TFDP1: variants seen among roughly 807,000 people sequenced by gnomAD.
TFDP1 encodes the protein transcription factor Dp-1, also known as DRTF1-polypeptide 1.
Under a neutral mutation model 48.0 loss-of-function variants are expected in TFDP1, and 6 were observed. The observed-to-expected ratio is 0.13, with a 90% CI of 0.07 to 0.25. The LOEUF is 0.25. Ranked by LOEUF, TFDP1 falls within the 10% of genes least tolerant of loss-of-function variation. The probability of loss-of-function intolerance (pLI) is 1.00; values close to 1 mark genes in which losing one functional copy is unlikely to be tolerated. For synonymous variants in TFDP1, 201 were observed against 211.6 expected, an observed-to-expected ratio of 0.95 and a Z score of 0.44; for missense variants, 335 against 543.0, an observed-to-expected ratio of 0.62 and a Z score of 3.81.
chr13:113,634,827 ATGTGTG>A (rs377583319), intron 8 of TFDP1, among the ~76,000 whole-genome samples: 1 of 148,128 alleles, frequency 6.8e-6, no homozygotes, highest in South Asian at 2.2e-4. Context: ...GCATGCATGC[ATGTGTG>A]TGTGTGTGCA....
intron 2 of TFDP1, 27 bp downstream of exon 2, chr13:113,585,876 A>G: frequency 6.3e-7 from 1 of 1,596,412 alleles, no homozygotes; most frequent in South Asian, 1.1e-5. Flanking sequence ...CATGCTGCAC[A>G]CGAATGTTTG....
In TFDP1 at chr13:113,611,078, C is replaced by T. The variant is rs2048697702; in HGVS notation, c.79+16C>T. Reference sequence around the variant, plus strand: ...CCCGGGAAAGGTAAGGGCACCTGTTCTGGACACACTCTTGTGTTGATGAAT... The same window carrying T: ...CCCGGGAAAGGTAAGGGCACCTGTTTTGGACACACTCTTGTGTTGATGAAT... On this transcript the variant is annotated intron_variant, in intron 3 of 11. Transcript: ENST00000375370. The T allele has an allele frequency of 1.2e-6, 2 of 1,608,848 alleles. No homozygotes were observed. The highest frequency in any genetic ancestry group is 2.7e-5 in the African/African-American group (2 of 74,818).
At chr13:113,591,756 T>C (rs1443432939) in intron 2 of TFDP1, among the ~76,000 whole-genome samples, 1 of 152,220 alleles carries the variant, frequency 6.6e-6, no homozygotes, top group Non-Finnish European at 1.5e-5. Context: ...GGAGGACTGG[T>C]AGCAGCAGGT....
chr13:113,640,228 G>C lies in TFDP1; in HGVS notation c.1194G>C (p.Glu398Asp), dbSNP rs569945042. The C allele has an allele frequency of 1.4e-5, 23 of 1,613,588 alleles. No homozygotes were observed. The African/African-American group carries it at 2.7e-4, about 19-fold the overall frequency. ...TPVSYVGEDD[E>D]EDDDFNENDE... Reference sequence around the variant, plus strand: ...TGTCCTACGTCGGGGAGGACGACGAGGAGGACGATGACTTCAACGAGAATG... The same window carrying C: ...TGTCCTACGTCGGGGAGGACGACGACGAGGACGATGACTTCAACGAGAATG... The change falls in exon 12 of 12, where the codon GAG (glutamate) becomes GAC (aspartate). Residue 398 changes from glutamate to aspartate, a missense_variant. Coordinates refer to ENST00000375370, the MANE Select transcript of TFDP1 (RefSeq NM_007111.5).
rs1275562614 is a variant in TFDP1 at position 113,598,160 on chromosome 13, A to G, written c.12+12311A>G. On this transcript the variant is annotated intron_variant, in intron 2 of 11. Transcript: ENST00000375370. The surrounding 1 kb of genome is among the most constrained non-coding windows in gnomAD (Gnocchi z 4.2). ...TTCCCGTCTGGTCCCTCTACTCCCC[A>G]CCACCCCAGCCCTGGAAAACCGTGC... 6.6e-6 allele frequency among the ~76,000 whole-genome samples: 1 copy of G among 151,998 alleles called. No homozygotes were observed. The highest frequency in any genetic ancestry group is 1.5e-5 in the Non-Finnish European group (1 of 67,974).
intron 2 of TFDP1, among the ~76,000 whole-genome samples, chr13:113,596,011 G>A (rs1327371160): frequency 6.6e-6 from 1 of 152,222 alleles, no homozygotes; most frequent in Non-Finnish European, 1.5e-5. Flanking sequence ...GAACCCAGGA[G>A]GCGGAGCTTG....
chr13:113,625,862 TCCTCAGGTGTCTCTCACGC>T (rs1281497412), intron 4 of TFDP1, among the ~76,000 whole-genome samples: 2 of 143,650 alleles, frequency 1.4e-5, no homozygotes, highest in African/African-American at 2.6e-5. Context: ...CTCTCACGCG[TCCTCAGGTGTCTCTCACGC>T]GTCCTCAGGT....
chr13:113,623,375 C>T lies in TFDP1; in HGVS notation c.186+89C>T. 1.5e-6 allele frequency: 2 copies of T among 1,303,638 alleles called. No individual in the cohort carries two copies. Among genetic ancestry groups the T allele is most frequent in the South Asian group, 1.3e-5 (1 of 75,504 alleles). 80.8% of individuals were successfully genotyped at this position (1,303,638 alleles called of 1,614,324 possible). The stretch of plus-strand genomic sequence containing the variant: ...GTGGTTGGGGATGTTCCCAGGTGTG[C>T]CTGGATTTGGGCTCCAGTTGCAGCA... On this transcript the variant is annotated intron_variant, in intron 4 of 11. Coordinates refer to ENST00000375370, the MANE Select transcript of TFDP1 (RefSeq NM_007111.5). The surrounding 1 kb of genome is among the most constrained non-coding windows in gnomAD (Gnocchi z 5.2).
chr13:113,610,938 C>T, intron 2 of TFDP1, 58 bp from the exon 3 acceptor site: 1 of 1,537,728 alleles, frequency 6.5e-7, no homozygotes, highest in Non-Finnish European at 9.0e-7. Context: ...TTTAAACACC[C>T]CTAGTTTCGT....
intron 2 of TFDP1, among the ~76,000 whole-genome samples, chr13:113,609,229 T>G (rs969810265): frequency 6.6e-6 from 1 of 151,956 alleles, no homozygotes; most frequent in African/African-American, 2.4e-5. Context: ...CCCCTGGGGG[T>G]GGTGGAGCCT....
At chr13:113,594,680 A>G (rs1377535967) in intron 2 of TFDP1, among the ~76,000 whole-genome samples, 2 of 152,252 alleles carry the variant, frequency 1.3e-5, no homozygotes, top group Non-Finnish European at 2.9e-5. Flanking sequence ...CCCAGTGGAC[A>G]TGGAATCCTT....
chr13:113,609,438 C>CT lies in TFDP1; in HGVS notation c.13-1548dup, dbSNP rs371168541. Among the ~76,000 whole-genome samples the CT allele has an allele frequency of 3.8e-3, 563 of 150,082 alleles. 5 individuals are homozygous for CT. Among genetic ancestry groups the CT allele is most frequent in the African/African-American group, 0.011 (435 of 41,098 alleles). ...CGGTTGGAACGGCAGTAGTGACTGT[C>CT]TTTTTTTTTTAGCGTCCTAGGATGT... On this transcript the variant is annotated intron_variant, in intron 2 of 11. Coordinates refer to ENST00000375370, the MANE Select transcript of TFDP1 (RefSeq NM_007111.5).
chr13:113,628,164 T>C lies in TFDP1; in HGVS notation c.187-3459T>C, dbSNP rs200115948. On this transcript the variant is annotated intron_variant, in intron 4 of 11. Coordinates refer to ENST00000375370, the MANE Select transcript of TFDP1 (RefSeq NM_007111.5). ...ACTATGTCTGGAGCCGTGTAAAGAC[T>C]GTGTCTGAAGCCGTGTAAAGACTGT... Among the ~76,000 whole-genome samples the C allele has an allele frequency of 2.0e-5, 3 of 151,632 alleles. No homozygotes were observed. In the East Asian group the frequency reaches 5.8e-4, roughly 29 times the overall value.
intron 4 of TFDP1, among the ~76,000 whole-genome samples, chr13:113,626,264 T>C (rs1410066915): frequency 6.6e-6 from 1 of 152,208 alleles, no homozygotes. Context: ...CTCCCTTTGG[T>C]CTAATCATGT....
chr13:113,600,905 A>G (rs1311867844), intron 2 of TFDP1, among the ~76,000 whole-genome samples: 1 of 151,146 alleles, frequency 6.6e-6, no homozygotes, highest in Non-Finnish European at 1.5e-5. Flanking sequence ...GAACCGTGAG[A>G]GAGAATCCTC....
intron 3 of TFDP1, among the ~76,000 whole-genome samples, chr13:113,621,443 C>T (rs931498920): frequency 6.6e-6 from 1 of 152,212 alleles, no homozygotes; most frequent in African/African-American, 2.4e-5. Context: ...AAATATAAAA[C>T]AAGAATGGTT....
rs2049532374 is a variant in TFDP1 at position 113,637,798 on chromosome 13, T to C, written c.1007-20T>C. The C allele has an allele frequency of 6.2e-7, 1 of 1,614,260 alleles. No homozygotes were observed. Among genetic ancestry groups the C allele is most frequent in the Non-Finnish European group, 8.5e-7 (1 of 1,180,042 alleles). ...TGTTTCTGTTTCATGACCATTCGCT[T>C]ATTTTCTTTCCCTTTTCAGAAATGG... is the stretch of plus-strand genomic sequence containing the variant. On this transcript the variant is annotated intron_variant, in intron 10 of 11. Transcript: ENST00000375370.
intron 3 of TFDP1, among the ~76,000 whole-genome samples, chr13:113,617,709 G>A (rs1329605077): frequency 6.6e-6 from 1 of 152,008 alleles, no homozygotes; most frequent in Non-Finnish European, 1.5e-5. Context: ...CAGAGGGGTT[G>A]TGCTTGGCCA....
Position 113,610,981 on chromosome 13 carries a change from T to C in TFDP1, c.13-15T>C. 2.5e-6 allele frequency: 4 copies of C among 1,613,104 alleles called. No individual in the cohort carries two copies. The highest frequency in any genetic ancestry group is 3.4e-6 in the Non-Finnish European group (4 of 1,179,498). On this transcript the variant is annotated splice_polypyrimidine_tract_variant and intron_variant, in intron 2 of 11. Transcript: ENST00000375370. Reference sequence around the variant, plus strand: ...TTAGCTGTCATATTTATTATTGTTTTGTTGCTTTCCGCAGGCCGGTCTAAT... The same window carrying C: ...TTAGCTGTCATATTTATTATTGTTTCGTTGCTTTCCGCAGGCCGGTCTAAT...
Sources: gnomAD v4.1 joint callset for allele counts (sites outside exome capture counted in the v4.1 genomes callset) on GRCh38, gnomAD v4.1.1 for gene constraint, Gnocchi (gnomAD v3.1) non-coding constraint, MANE v1.5 for transcripts, NCBI Gene and HGNC (gene_info 2026-07-23, HGNC 2026-07-21) for gene names.